PCDHGA1: variants seen among roughly 807,000 people sequenced by gnomAD.
The protein encoded by PCDHGA1 is protocadherin gamma-A1.
A neutral mutation model predicts 58.0 loss-of-function variants in PCDHGA1; 32 were observed. The observed-to-expected ratio is 0.55, with a 90% confidence interval of 0.42 to 0.74. The LOEUF (loss-of-function observed/expected upper bound fraction) is 0.74. Among genes scored for constraint, PCDHGA1 ranks in the 30% least tolerant of loss-of-function variants. The pLI is 0.00. For synonymous variants in PCDHGA1, 498 were observed against 501.1 expected (o/e 0.99, Z 0.08); for missense variants, 1,205 against 1,182.3 (o/e 1.02, Z -0.28).
At position 141,409,758 on chromosome 5, in the gene PCDHGA1, C is replaced by A. The variant is rs763902801; in HGVS notation, c.2421+76653C>A. Reference sequence around the variant, plus strand: ...AGCGGGGTGGTGTTCGCGCAGCGCGCCTTTGATCACGAGCAGCTGCGCGCC... The same window carrying A: ...AGCGGGGTGGTGTTCGCGCAGCGCGACTTTGATCACGAGCAGCTGCGCGCC... On this transcript the variant is annotated intron_variant, in intron 1 of 3. Transcript: ENST00000517417. 4 of 1,612,868 alleles carry A rather than the reference C, an allele frequency of 2.5e-6. No homozygotes were observed. In the African/African-American group the frequency reaches 4.0e-5, roughly 16 times the overall value.
intron 1 of PCDHGA1, among the ~76,000 whole-genome samples, chr5:141,460,628 G>C (rs2098993821): frequency 6.6e-6 from 1 of 151,958 alleles, no homozygotes; most frequent in African/African-American, 2.4e-5. Flanking sequence ...GACAGATACA[G>C]ATATATAACT....
chr5:141,401,822 C>T (rs1340105226), intron 1 of PCDHGA1, among the ~76,000 whole-genome samples: 1 of 152,188 alleles, frequency 6.6e-6, no homozygotes, highest in Non-Finnish European at 1.5e-5. Flanking sequence ...TTACAAAGTG[C>T]TGAGATTTCT....
intron 1 of PCDHGA1, chr5:141,365,030 G>C (rs1227821908): frequency 1.9e-6 from 3 of 1,613,740 alleles, no homozygotes; most frequent in Non-Finnish European, 2.5e-6. Context: ...TACGGTCCTC[G>C]ACGCAAACGA....
At chr5:141,340,398 C>G in intron 1 of PCDHGA1, 1 of 1,614,172 alleles carries the variant, frequency 6.2e-7, no homozygotes, top group Non-Finnish European at 8.5e-7. Context: ...TCAGTGACGG[C>G]CCATGACCCC....
At position 141,403,569 on chromosome 5, in the gene PCDHGA1, C is replaced by A. The variant is rs1206497487; in HGVS notation, c.2421+70464C>A. On this transcript the variant is annotated intron_variant, in intron 1 of 3. Transcript: ENST00000517417. The stretch of plus-strand genomic sequence containing the variant: ...CGCGCCCTGGACAGGGAGGAGGCAA[C>A]TGCCCACCACCTGGTCCTCACGGCC... The A allele has an allele frequency of 5.6e-6, 9 of 1,613,828 alleles. No homozygotes were observed. The Admixed American group carries it at 6.7e-5, about 12-fold the overall frequency.
rs1316631653 is a variant in PCDHGA1 at position 141,388,751 on chromosome 5, A to G, written c.2421+55646A>G. The G allele has an allele frequency of 4.3e-6, 7 of 1,613,980 alleles. No homozygotes were observed. In the Admixed American group the frequency reaches 5.0e-5, roughly 12 times the overall value. ...TCAGTGAAGCTAGCCAGATCACCCAATTTGACCTGAACTCTAACACCGGGG... is the reference window on the plus strand; with the variant it reads ...TCAGTGAAGCTAGCCAGATCACCCAGTTTGACCTGAACTCTAACACCGGGG... On this transcript the variant is annotated intron_variant, in intron 1 of 3. Coordinates refer to ENST00000517417, the MANE Select transcript of PCDHGA1 (RefSeq NM_018912.3).
chr5:141,460,388 G>T (rs1425099375), intron 1 of PCDHGA1, among the ~76,000 whole-genome samples: 1 of 151,774 alleles, frequency 6.6e-6, no homozygotes, highest in East Asian at 1.9e-4. Context: ...TTATAATTTG[G>T]TCTATGAATC....
At chr5:141,351,917 G>A in intron 1 of PCDHGA1, 1 of 1,613,382 alleles carries the variant, frequency 6.2e-7, no homozygotes. Context: ...CGACCTCAAT[G>A]ACAATGCGCC....
At chr5:141,383,193 G>C (rs911488617) in intron 1 of PCDHGA1, 1 of 1,614,066 alleles carries the variant, frequency 6.2e-7, no homozygotes, top group Non-Finnish European at 8.5e-7. Context: ...TCTGCGCTCA[G>C]AGTGCGCGGT....
chr5:141,346,578 A>T, intron 1 of PCDHGA1: 2 of 1,394,128 alleles, frequency 1.4e-6, no homozygotes, highest in Non-Finnish European at 1.9e-6. Context: ...CTTTGACTAA[A>T]TATTTGTCCC....
At chr5:141,369,497 C>A (rs1027825158) in intron 1 of PCDHGA1, among the ~76,000 whole-genome samples, 3 of 151,926 alleles carry the variant, frequency 2.0e-5, no homozygotes, top group Non-Finnish European at 4.4e-5. Context: ...TGAAACCCCA[C>A]CTCTATAGAA....
intron 1 of PCDHGA1, chr5:141,355,419 GCTTTT>G: frequency 6.2e-7 from 1 of 1,614,042 alleles, no homozygotes; most frequent in Non-Finnish European, 8.5e-7. Flanking sequence ...GTAGGACGCA[GCTTTT>G]CGCCCTGAAC....
At chr5:141,395,169 G>A in intron 1 of PCDHGA1, 3 of 1,614,020 alleles carry the variant, frequency 1.9e-6, no homozygotes, top group Non-Finnish European at 2.5e-6. Flanking sequence ...GGAGGGCTGT[G>A]AGAAAAATGA....
chr5:141,508,961 A>G (rs991011427), intron 3 of PCDHGA1, among the ~76,000 whole-genome samples: 2 of 151,978 alleles, frequency 1.3e-5, no homozygotes, highest in Non-Finnish European at 2.9e-5. Flanking sequence ...TGTCAGCGGA[A>G]TGAAAGGGCT....
At chr5:141,474,758 C>T (rs2099354200) in intron 1 of PCDHGA1, among the ~76,000 whole-genome samples, 1 of 152,210 alleles carries the variant, frequency 6.6e-6, no homozygotes, top group Non-Finnish European at 1.5e-5. Flanking sequence ...GACAAATATA[C>T]AGAAATAGTA....
intron 1 of PCDHGA1, chr5:141,394,336 A>G (rs1205005872): frequency 1.9e-6 from 3 of 1,613,704 alleles, no homozygotes; most frequent in Non-Finnish European, 1.7e-6. Context: ...ATCTCCATCA[A>G]CTCTGACACC....
At chr5:141,419,663 G>A in intron 1 of PCDHGA1, 1 of 1,612,826 alleles carries the variant, frequency 6.2e-7, no homozygotes, top group Non-Finnish European at 8.5e-7. Flanking sequence ...GGGGCACAAT[G>A]CCTGGCTGTC....
chr5:141,492,464 C>G (rs1595116794), intron 1 of PCDHGA1, among the ~76,000 whole-genome samples: 1 of 152,354 alleles, frequency 6.6e-6, no homozygotes, highest in Non-Finnish European at 1.5e-5. Context: ...GCCTGAGGGT[C>G]CCAGATCGCG....
chr5:141,374,543 C>T (rs755927894), intron 1 of PCDHGA1: 3 of 1,613,376 alleles, frequency 1.9e-6, no homozygotes, highest in South Asian at 1.1e-5. Context: ...TCGTTTTCCA[C>T]TAATGGAGGT....
Sources: allele counts gnomAD v4.1 joint callset (sites outside exome capture counted in the v4.1 genomes callset), GRCh38; gene constraint gnomAD v4.1.1; transcripts MANE v1.5; gene names NCBI Gene and HGNC (gene_info 2026-07-23, HGNC 2026-07-21).